Variants in COL21A1 observed in about 807,000 individuals in gnomAD.
The protein encoded by COL21A1 is collagen type XXI alpha 1 chain, also known as collagen alpha-1(XXI) chain.
A neutral mutation model predicts 137.9 loss-of-function variants in COL21A1; 149 were observed. The ratio of observed to expected loss-of-function variants is 1.08; its 90% CI spans 0.95 to 1.24. The LOEUF (loss-of-function observed/expected upper bound fraction) is 1.24. Ranked by LOEUF, COL21A1 falls within the 50% of genes most tolerant of loss-of-function variation. The probability of loss-of-function intolerance (pLI) is 0.00; values close to 1 mark genes in which losing one functional copy is unlikely to be tolerated. For synonymous variants in COL21A1, 456 were observed against 391.5 expected (o/e 1.16, Z -1.95); for missense variants, 1,167 against 1,158.4 (o/e 1.01, Z -0.11).
intron 23 of COL21A1, among the ~76,000 whole-genome samples, chr6:56,064,890 G>A (rs925428395): frequency 3.3e-5 from 5 of 152,090 alleles, no homozygotes; most frequent in African/African-American, 1.2e-4. Flanking sequence ...AGACAATGAG[G>A]ATGTTCTTCT....
At chr6:56,278,714 G>T (rs1763726131) in intron 1 of COL21A1, among the ~76,000 whole-genome samples, 1 of 152,164 alleles carries the variant, frequency 6.6e-6, no homozygotes, top group Non-Finnish European at 1.5e-5. Context: ...AGAAAATGAG[G>T]CTCATGGCAG....
At chr6:56,092,482 T>A (rs1768935412) in intron 17 of COL21A1, among the ~76,000 whole-genome samples, 1 of 152,072 alleles carries the variant, frequency 6.6e-6, no homozygotes, top group Non-Finnish European at 1.5e-5. Flanking sequence ...AGTTACTAAA[T>A]ACAACAATGA....
At chr6:56,388,195 T>C (rs1186005081) in intron 1 of COL21A1, among the ~76,000 whole-genome samples, 1 of 152,182 alleles carries the variant, frequency 6.6e-6, no homozygotes, top group African/African-American at 2.4e-5. Context: ...AAGGGAAGGA[T>C]CTAGTCCTAG....
rs1339667596 is a variant in COL21A1, at chr6:56,069,102, T to C, written c.2035A>G (p.Thr679Ala). ...ASGLKGEPGA[T>A]GSPGEPGYMG... The stretch of plus-strand genomic sequence containing the variant: ...TATCCTGGTTCTCCTGGGGAACCCG[T>C]TGCTCCTGGTTCTCCCTATGTAACA... The change falls in exon 22 of 30, where the codon ACG becomes GCG. Residue 679 changes from threonine to alanine, a missense_variant. By Grantham distance (58) the Thr-to-Ala change is moderately conservative. Coordinates refer to ENST00000244728, the MANE Select transcript of COL21A1 (RefSeq NM_030820.4). 3 of 1,598,782 alleles carry C rather than the reference T, an allele frequency of 1.9e-6. No individual in the cohort carries two copies. In the African/African-American group the frequency reaches 4.0e-5, roughly 22 times the overall value.
At chr6:56,209,730 G>T (rs929101658) in intron 1 of COL21A1, among the ~76,000 whole-genome samples, 1 of 152,072 alleles carries the variant, frequency 6.6e-6, no homozygotes, top group Admixed American at 6.6e-5. Context: ...GATTCCTCAA[G>T]GATCTAGAAC....
chr6:56,153,459 C>T (rs1352934776), intron 10 of COL21A1, among the ~76,000 whole-genome samples: 1 of 152,010 alleles, frequency 6.6e-6, no homozygotes, highest in East Asian at 1.9e-4. Context: ...ATTATAAAAA[C>T]ATGCTACAAT....
At chr6:56,335,847 T>G (rs1582790459) in intron 1 of COL21A1, among the ~76,000 whole-genome samples, 1 of 152,318 alleles carries the variant, frequency 6.6e-6, no homozygotes, top group East Asian at 1.9e-4. Flanking sequence ...TAGTTTAATT[T>G]CTTCCAAGGT....
intron 1 of COL21A1, among the ~76,000 whole-genome samples, chr6:56,236,214 T>C (rs1293379884): frequency 1.3e-5 from 2 of 152,034 alleles, no homozygotes; most frequent in East Asian, 3.9e-4. Context: ...ATATATTAGC[T>C]GTCTTCAAAT....
chr6:56,089,151 T>C (rs868400954), intron 17 of COL21A1, among the ~76,000 whole-genome samples: 1 of 152,184 alleles, frequency 6.6e-6, no homozygotes, highest in Non-Finnish European at 1.5e-5. Context: ...ATGGAGATGA[T>C]TAGCATCACA....
intron 22 of COL21A1, among the ~76,000 whole-genome samples, chr6:56,068,102 C>T (rs773759199): frequency 2.4e-4 from 36 of 151,598 alleles, no homozygotes; most frequent in Non-Finnish European, 4.3e-4. Context: ...ATTTACTTAA[C>T]ATTTACTAAG....
At chr6:56,248,154 A>G (rs9396184), upstream of COL21A1, among the ~76,000 whole-genome samples, 29,830 of 152,180 alleles carry the variant, frequency 0.2, 3,617 homozygotes, top group Non-Finnish European at 0.27. Flanking sequence ...TGCCCCTTTG[A>G]GTGCATTCTT....
intron 1 of COL21A1, among the ~76,000 whole-genome samples, chr6:56,229,677 T>C (rs1361687006): frequency 3.9e-5 from 6 of 151,966 alleles, no homozygotes; most frequent in Non-Finnish European, 7.4e-5. Context: ...ATGGTCATTT[T>C]CCAAGGTAAG....
intron 1 of COL21A1, among the ~76,000 whole-genome samples, chr6:56,205,984 C>T (rs1779752789): frequency 6.6e-6 from 1 of 152,130 alleles, no homozygotes; most frequent in African/African-American, 2.4e-5. Context: ...CTGAAGGAAG[C>T]ACTAAACATG....
chr6:56,330,043 A>G (rs1263103167), intron 1 of COL21A1, among the ~76,000 whole-genome samples: 2 of 152,116 alleles, frequency 1.3e-5, no homozygotes, highest in Admixed American at 1.3e-4. Flanking sequence ...TATAACCTCT[A>G]TTAGATCTTA....
chr6:56,392,169 C>T (rs1271271840), intron 1 of COL21A1, among the ~76,000 whole-genome samples: 1 of 152,070 alleles, frequency 6.6e-6, no homozygotes, highest in Admixed American at 6.6e-5. Flanking sequence ...GGATTCATCC[C>T]ATGGATGCCA....
At chr6:56,250,199 A>G (rs994039), upstream of COL21A1, among the ~76,000 whole-genome samples, 2 of 152,168 alleles carry the variant, frequency 1.3e-5, no homozygotes, top group African/African-American at 4.8e-5. Flanking sequence ...AATTGAAAAG[A>G]AGGACAAGAA....
At chr6:56,134,322 C>G (rs1424774591) in intron 12 of COL21A1, among the ~76,000 whole-genome samples, 1 of 152,148 alleles carries the variant, frequency 6.6e-6, no homozygotes. Context: ...TGCATAGGGC[C>G]TTTACCCCCT....
intron 1 of COL21A1, among the ~76,000 whole-genome samples, chr6:56,369,864 A>T (rs1766191034): frequency 6.6e-6 from 1 of 152,240 alleles, no homozygotes. Context: ...GAGTGAATGT[A>T]CAGCTATTAA....
At chr6:56,132,497 A>G (rs1773641023) in intron 12 of COL21A1, among the ~76,000 whole-genome samples, 1 of 152,184 alleles carries the variant, frequency 6.6e-6, no homozygotes, top group Non-Finnish European at 1.5e-5. Flanking sequence ...TCTGCAATGG[A>G]GAAGATGTAG....
Sources: gnomAD v4.1 joint callset for allele counts (sites outside exome capture counted in the v4.1 genomes callset) on GRCh38, gnomAD v4.1.1 for gene constraint, MANE v1.5 for transcripts, NCBI Gene and HGNC (gene_info 2026-07-23, HGNC 2026-07-21) for gene names.